PIEZO2: variants seen among roughly 807,000 people sequenced by gnomAD.
PIEZO2 encodes piezo-type mechanosensitive ion channel component 2.
PIEZO2 carries 172 observed loss-of-function variants against 337.3 expected under a neutral mutation model. The ratio of observed to expected loss-of-function variants is 0.51; its 90% confidence interval spans 0.45 to 0.58. The LOEUF is 0.58. PIEZO2 is among the 20% of genes least tolerant of loss of function. PIEZO2 has a pLI of 0.00. For missense variants in PIEZO2, 3,028 were observed against 3,391.3 expected (o/e 0.89, Z 2.66); for synonymous variants, 1,251 against 1,228.5 (o/e 1.02, Z -0.38).
chr18:11,035,833 C>G lies in PIEZO2; in HGVS notation c.160+30294G>C, dbSNP rs1454188962. Reference sequence around the variant, plus strand: ...AATATGAAACTCTGACTCTTAAAGCCCATGGGTGTCTCCCCTAATGAACAG... The same window carrying G: ...AATATGAAACTCTGACTCTTAAAGCGCATGGGTGTCTCCCCTAATGAACAG... On this transcript the variant is annotated intron_variant, in intron 2 of 55. Transcript: ENST00000674853. This position sits in a 1 kb window ranked among gnomAD's most constrained non-coding sequence, Gnocchi z 4.3. Among the ~76,000 whole-genome samples, 1 of 152,158 alleles carries G rather than the reference C, an allele frequency of 6.6e-6. No individual in the cohort carries two copies. Among genetic ancestry groups the G allele is most frequent in the African/African-American group, 2.4e-5 (1 of 41,430 alleles).
At position 10,867,682 on chromosome 18, in the gene PIEZO2, A is replaced by G. The variant is rs115265792; in HGVS notation, c.492+3571T>C. 1.5e-3 allele frequency among the ~76,000 whole-genome samples: 236 copies of G among 152,350 alleles called. 2 individuals are homozygous for G. Among genetic ancestry groups the G allele is most frequent in the African/African-American group, 4.7e-3 (194 of 41,586 alleles). ...CTAAAAGAAAGGCCTCAAATCTCAT[A>G]TAATAGCTAGAAAGAATTGTAAGCA... On this transcript the variant is annotated intron_variant, in intron 5 of 55. Transcript: ENST00000674853.
Position 10,726,521 on chromosome 18 carries a change from G to T in PIEZO2, c.5029+4886C>A. ...CCGCAAGCAGCCGTTCCTGTGGCGC[G>T]CTGCGCTGCTCTGCTCTGCTACACC... On this transcript the variant is annotated intron_variant, in intron 36 of 55. Transcript: ENST00000674853. The surrounding 1 kb of genome is among the most constrained non-coding windows in gnomAD (Gnocchi z 5.9). The T allele has an allele frequency of 6.8e-7, 1 of 1,476,082 alleles. No individual in the cohort carries two copies. Among genetic ancestry groups the T allele is most frequent in the Non-Finnish European group, 9.0e-7 (1 of 1,115,212 alleles). The allele number at this position is 1,476,082 out of a possible 1,614,324, so 91.4% of individuals were successfully genotyped here. A position where few individuals can be genotyped will look rare whatever the true frequency, so the allele number is the denominator to read the frequency against.
intron 3 of PIEZO2, among the ~76,000 whole-genome samples, chr18:10,916,371 T>G (rs2145105569): frequency 6.6e-6 from 1 of 152,260 alleles, no homozygotes; most frequent in Admixed American, 6.5e-5. Flanking sequence ...GGGCCTGTGC[T>G]GCAGCCAACC....
chr18:11,064,915 T>C (rs1174220705), intron 2 of PIEZO2, among the ~76,000 whole-genome samples: 1 of 152,242 alleles, frequency 6.6e-6, no homozygotes, highest in Non-Finnish European at 1.5e-5. Flanking sequence ...CGGAAACTAT[T>C]CTGTTTATGC....
At position 10,942,185 on chromosome 18, in the gene PIEZO2, A is replaced by C. The variant is rs1016322869; in HGVS notation, c.287-30957T>G. 6.6e-6 allele frequency among the ~76,000 whole-genome samples: 1 copy of C among 152,170 alleles called. No individual in the cohort carries two copies. The highest frequency in any genetic ancestry group is 2.4e-5 in the African/African-American group (1 of 41,458). On this transcript the variant is annotated intron_variant, in intron 3 of 55. Coordinates refer to ENST00000674853, the MANE Select transcript of PIEZO2 (RefSeq NM_001378183.1). The surrounding 1 kb of genome is among the most constrained non-coding windows in gnomAD (Gnocchi z 4.4). ...AGCATGAAAATGAACTAATTCAGTA[A>C]ATTGGTACCAGTAGGGTGGGGCGCT...
In PIEZO2 at chr18:10,784,500, C is replaced by T. The variant is rs1309099143; in HGVS notation, c.2492+284G>A. On this transcript the variant is annotated intron_variant, in intron 17 of 55. Transcript: ENST00000674853. This position sits in a 1 kb window ranked among gnomAD's most constrained non-coding sequence, Gnocchi z 4.5. ...TATAACCAGCCTAGACACAAATACA[C>T]ATATCAACTCTAAAATATTTAAGTC... Among the ~76,000 whole-genome samples, 1 of 152,144 alleles carries T rather than the reference C, an allele frequency of 6.6e-6. No homozygotes were observed. Among genetic ancestry groups the T allele is most frequent in the Admixed American group, 6.5e-5 (1 of 15,280 alleles).
At chr18:10,892,023 C>A (rs1226887067) in intron 4 of PIEZO2, among the ~76,000 whole-genome samples, 1 of 152,086 alleles carries the variant, frequency 6.6e-6, no homozygotes, top group Admixed American at 6.5e-5. Context: ...GATAGGCAGT[C>A]AGACTGAAGA....
In PIEZO2 at chr18:10,713,076, A is replaced by C. The variant is rs979573195; in HGVS notation, c.5423+1688T>G. Among the ~76,000 whole-genome samples the C allele has an allele frequency of 2.0e-5, 3 of 152,240 alleles. No individual in the cohort carries two copies. Among genetic ancestry groups the C allele is most frequent in the Admixed American group, 6.5e-5 (1 of 15,286 alleles). On this transcript the variant is annotated intron_variant, in intron 39 of 55. Coordinates refer to ENST00000674853, the MANE Select transcript of PIEZO2 (RefSeq NM_001378183.1). The surrounding 1 kb of genome is among the most constrained non-coding windows in gnomAD (Gnocchi z 4.5). ...AGCAGGCAGGGATACACCCATGCAC[A>C]GTGTTATCTGCACGAATATTACTTC...
intron 1 of PIEZO2, among the ~76,000 whole-genome samples, chr18:11,076,383 C>T (rs886366962): frequency 6.6e-6 from 1 of 152,116 alleles, no homozygotes; most frequent in Non-Finnish European, 1.5e-5. Context: ...ATCATAACTA[C>T]TACTCAATTT....
Position 10,705,350 on chromosome 18 carries a change from C to T in PIEZO2, c.5985G>A (p.Glu1995=). ...TGGACCCTTACTTTTTCAGCAGCAG[C>T]TCGCTGGCCGTCAGCTCATGGGTCA... is the stretch of plus-strand genomic sequence containing the variant. The part of the protein sequence containing the change: ...PPLTHELTAS[E]LLLKKMFHDD... The change falls in exon 41 of 56, where the codon GAG becomes GAA. Residue 1995 remains glutamate (E), a synonymous_variant. Transcript: ENST00000674853. 2 of 1,533,112 alleles carry T rather than the reference C, an allele frequency of 1.3e-6. No homozygotes were observed. The highest frequency in any genetic ancestry group is 8.7e-7 in the Non-Finnish European group (1 of 1,144,636). 95.0% of individuals were successfully genotyped at this position (1,533,112 alleles called of 1,614,324 possible). A position where few individuals can be genotyped will look rare whatever the true frequency, so the allele number is the denominator to read the frequency against.
intron 17 of PIEZO2, among the ~76,000 whole-genome samples, chr18:10,780,681 T>TTC (rs958462594): frequency 6.6e-6 from 1 of 150,868 alleles, no homozygotes. Flanking sequence ...TTTTTTTTTT[T>TTC]TTTTCAGAGT....
Position 10,773,580 on chromosome 18 carries a change from T to C in PIEZO2, c.2617A>G (p.Thr873Ala). The C allele has an allele frequency of 6.5e-7, 1 of 1,537,310 alleles. No homozygotes were observed. The highest frequency in any genetic ancestry group is 8.7e-7 in the Non-Finnish European group (1 of 1,146,928). ...SLPDLTMMHLTASLEKPEVRK... is the reference protein window; with the variant it reads ...SLPDLTMMHLAASLEKPEVRK... ...ACCTCCGGCTTCTCCAGGCTGGCAG[T>C]CAGATGCATCATGGTGAGGTCCGGG... Residue 873 changes from threonine to alanine, a missense_variant, in exon 20 of 56, where the codon ACT (threonine) becomes GCT (alanine). Transcript: ENST00000674853. The surrounding 1 kb of genome is among the most constrained non-coding windows in gnomAD (Gnocchi z 5.3).
rs904260608 is a variant in PIEZO2 at position 10,888,203 on chromosome 18, G to C, written c.330-16788C>G. 6.6e-6 allele frequency among the ~76,000 whole-genome samples: 1 copy of C among 152,128 alleles called. No homozygotes were observed. Among genetic ancestry groups the C allele is most frequent in the Non-Finnish European group, 1.5e-5 (1 of 68,034 alleles). ...TTACCTCCAATAAATCAATTTCTTA[G>C]CTAAGTAATATCAGTGTGGATGCAT... On this transcript the variant is annotated intron_variant, in intron 4 of 55. Transcript: ENST00000674853. This position sits in a 1 kb window ranked among gnomAD's most constrained non-coding sequence, Gnocchi z 4.1.
At position 11,149,524 on chromosome 18, in the gene PIEZO2, G is replaced by C. The variant is rs1032101848; in HGVS notation, c.-936C>G. On this transcript the variant is annotated 5_prime_UTR_variant, in exon 1 of 56. Coordinates refer to ENST00000674853, the MANE Select transcript of PIEZO2 (RefSeq NM_001378183.1). This position sits in a 1 kb window ranked among gnomAD's most constrained non-coding sequence, Gnocchi z 8.7. ...TGCCGCCTTGCAGCCTCGCCCTCGC[G>C]GCGCAGCCGGGGCTCCCCGGCGGCG... is the stretch of plus-strand genomic sequence containing the variant. 6.6e-6 allele frequency among the ~76,000 whole-genome samples: 1 copy of C among 151,504 alleles called. No homozygotes were observed. Among genetic ancestry groups the C allele is most frequent in the Non-Finnish European group, 1.5e-5 (1 of 67,798 alleles).
Position 10,724,499 on chromosome 18 carries a change from G to A in PIEZO2, c.5030-6240C>T. 2.3e-6 allele frequency: 1 copy of A among 435,028 alleles called. No homozygotes were observed. The allele number at this position is 435,028 out of a possible 1,614,324, so 26.9% of individuals were successfully genotyped here. A position where few individuals can be genotyped will look rare whatever the true frequency, so the allele number is the denominator to read the frequency against. On this transcript the variant is annotated intron_variant, in intron 36 of 55. Coordinates refer to ENST00000674853, the MANE Select transcript of PIEZO2 (RefSeq NM_001378183.1). The surrounding 1 kb of genome is among the most constrained non-coding windows in gnomAD (Gnocchi z 5.8). The stretch of plus-strand genomic sequence containing the variant: ...CACCAAAGGCAATGCGGAGTACAGG[G>A]CCTGCTGGTCCTCTGGTCACACCCA...
chr18:10,684,264 C>T (rs1402505833), intron 49 of PIEZO2, among the ~76,000 whole-genome samples: 1 of 141,726 alleles, frequency 7.1e-6, no homozygotes. Flanking sequence ...CTCCTGGGTT[C>T]ACGCCATTCT....
chr18:10,912,190 A>T (rs548357882), intron 3 of PIEZO2, among the ~76,000 whole-genome samples: 2 of 152,168 alleles, frequency 1.3e-5, no homozygotes, highest in African/African-American at 2.4e-5. Context: ...CAATTTTTCT[A>T]TGTAATATTT....
At chr18:10,972,172 C>CA (rs71169963) in intron 3 of PIEZO2, among the ~76,000 whole-genome samples, 4,510 of 90,348 alleles carry the variant, frequency 0.05, 151 homozygotes, top group Middle Eastern at 0.11. Flanking sequence ...GACTCCGCCT[C>CA]AAAAAAAAAA....
intron 7 of PIEZO2, among the ~76,000 whole-genome samples, chr18:10,827,545 C>A (rs1280945032): frequency 6.6e-6 from 1 of 152,062 alleles, no homozygotes; most frequent in Non-Finnish European, 1.5e-5. Flanking sequence ...TCTTTTGTAT[C>A]ATCTCCCCTC....
Sources: gnomAD v4.1 joint callset for allele counts (sites outside exome capture counted in the v4.1 genomes callset) on GRCh38, gnomAD v4.1.1 for gene constraint, Gnocchi (gnomAD v3.1) non-coding constraint, MANE v1.5 for transcripts, NCBI Gene and HGNC (gene_info 2026-07-23, HGNC 2026-07-21) for gene names.